ABI2: variants seen among roughly 807,000 people sequenced by gnomAD.
ABI2 encodes the protein abl interactor 2.
ABI2 carries 25 observed loss-of-function variants against 59.2 expected under a neutral mutation model. The observed-to-expected ratio is 0.42, with a 90% CI of 0.31 to 0.59. The LOEUF (loss-of-function observed/expected upper bound fraction) is 0.59, where lower values mean the gene tolerates loss of function less well. Among genes scored for constraint, ABI2 ranks in the 20% least tolerant of loss-of-function variants. The pLI, the probability that ABI2 is intolerant of heterozygous loss-of-function variation, is 0.14. For synonymous variants in ABI2, 213 were observed against 235.5 expected, an observed-to-expected ratio of 0.90 and a Z score of 0.87; for missense variants, 545 against 681.8, an observed-to-expected ratio of 0.80 and a Z score of 2.23.
intron 5 of ABI2, among the ~76,000 whole-genome samples, chr2:203,391,657 C>T (rs369582369): frequency 1.3e-5 from 2 of 151,700 alleles, no homozygotes; most frequent in Admixed American, 6.6e-5. Context: ...CCTGTCTCTA[C>T]GAAAAATACA....
rs978670444 is a variant in ABI2, at chr2:203,405,600, A to G, written c.1192+2866A>G. Among the ~76,000 whole-genome samples, 29 of 152,192 alleles carry G rather than the reference A, an allele frequency of 1.9e-4. 1 individual carries two copies. Among genetic ancestry groups the G allele is most frequent in the African/African-American group, 5.5e-4 (23 of 41,566 alleles). ...CTGTATTACTCCCAGTAGCCCTGCA[A>G]TTGTCCCTATTTTTTTCATATTTAC... On this transcript the variant is annotated intron_variant, in intron 9 of 11. Coordinates refer to ENST00000261018, the MANE Select transcript of ABI2 (RefSeq NM_001375670.1).
chr2:203,353,273 A>ATTAAAATTACAT (rs1344552378), intron 1 of ABI2, among the ~76,000 whole-genome samples: 1 of 152,230 alleles, frequency 6.6e-6, no homozygotes, highest in African/African-American at 2.4e-5. Context: ...TTAAACTTGA[A>ATTAAAATTACAT]TTAAAATTAC....
intron 1 of ABI2, among the ~76,000 whole-genome samples, chr2:203,345,290 C>G (rs1186184946): frequency 6.6e-6 from 1 of 152,168 alleles, no homozygotes; most frequent in African/African-American, 2.4e-5. Flanking sequence ...TGGCTTCACC[C>G]TGAAGTCAAG....
chr2:203,382,069 A>T, intron 3 of ABI2, 120 bp from the exon 4 acceptor site: 1 of 756,208 alleles, frequency 1.3e-6, no homozygotes, highest in Non-Finnish European at 2.1e-6. Flanking sequence ...TTATTTTGTT[A>T]ATGCTGAATG....
intron 4 of ABI2, among the ~76,000 whole-genome samples, chr2:203,384,284 GTTTT>G (rs1559288723): frequency 2.1e-5 from 1 of 48,516 alleles, no homozygotes; most frequent in African/African-American, 9.7e-5. Flanking sequence ...TCTTGTTTTT[GTTTT>G]TGTTTTTTTT....
At chr2:203,333,619 T>G (rs1357266460) in intron 1 of ABI2, among the ~76,000 whole-genome samples, 1 of 152,178 alleles carries the variant, frequency 6.6e-6, no homozygotes, top group African/African-American at 2.4e-5. Flanking sequence ...CCTCAAGAAA[T>G]TAGTCCCTAA....
At chr2:203,333,530 C>CT (rs2074972569) in intron 1 of ABI2, among the ~76,000 whole-genome samples, 1 of 152,102 alleles carries the variant, frequency 6.6e-6, no homozygotes, top group African/African-American at 2.4e-5. Context: ...AGTAAGGAGA[C>CT]TGAGTAGAAT....
At chr2:203,416,447 G>A (rs932470539) in intron 10 of ABI2, among the ~76,000 whole-genome samples, 1 of 151,902 alleles carries the variant, frequency 6.6e-6, no homozygotes, top group Non-Finnish European at 1.5e-5. Flanking sequence ...GGGCGCCCAC[G>A]ACCATGTGCG....
chr2:203,354,095 A>G (rs753772762), intron 1 of ABI2, among the ~76,000 whole-genome samples: 3 of 152,156 alleles, frequency 2.0e-5, no homozygotes, highest in Admixed American at 6.5e-5. Flanking sequence ...CCCAGGTTGG[A>G]GTGCGGTGGC....
intron 1 of ABI2, among the ~76,000 whole-genome samples, chr2:203,338,802 T>G (rs1366933140): frequency 1.3e-5 from 2 of 149,748 alleles, no homozygotes. Context: ...AGTGACTACA[T>G]CAAACTAAAA....
intron 9 of ABI2, among the ~76,000 whole-genome samples, chr2:203,405,258 CAG>C (rs2097374977): frequency 6.6e-6 from 1 of 152,158 alleles, no homozygotes; most frequent in Admixed American, 6.5e-5. Flanking sequence ...GTTGGTTAAT[CAG>C]AGTACTTTTT....
intron 11 of ABI2, 121 bp downstream of exon 11, chr2:203,417,202 AT>A: frequency 1.1e-6 from 1 of 905,618 alleles, no homozygotes; most frequent in Non-Finnish European, 1.6e-6. Flanking sequence ...GTATTTGTGC[AT>A]TTTTACTGAG....
At chr2:203,387,128 A>G (rs766074391) in intron 4 of ABI2, among the ~76,000 whole-genome samples, 3 of 140,400 alleles carry the variant, frequency 2.1e-5, no homozygotes, top group Non-Finnish European at 4.5e-5. Flanking sequence ...AGATTAATAT[A>G]TAAGGTGTAT....
chr2:203,391,410 T>A (rs967245250), intron 5 of ABI2, among the ~76,000 whole-genome samples: 16 of 152,348 alleles, frequency 1.1e-4, no homozygotes, highest in Non-Finnish European at 2.4e-4. Context: ...GCAGTCTAAT[T>A]TTAATTCCTT....
intron 11 of ABI2, among the ~76,000 whole-genome samples, chr2:203,417,407 G>T (rs960834159): frequency 1.3e-5 from 2 of 152,130 alleles, no homozygotes; most frequent in African/African-American, 4.8e-5. Flanking sequence ...CCATGCTTTA[G>T]AACATTAGTT....
chr2:203,388,954 A>G (rs913515020), intron 4 of ABI2, among the ~76,000 whole-genome samples: 6 of 152,128 alleles, frequency 3.9e-5, no homozygotes, highest in African/African-American at 1.4e-4. Flanking sequence ...ATGTAGTTTT[A>G]GTGTTTGGTT....
intron 11 of ABI2, among the ~76,000 whole-genome samples, chr2:203,421,264 G>A (rs2098193226): frequency 6.6e-6 from 1 of 152,130 alleles, no homozygotes; most frequent in Non-Finnish European, 1.5e-5. Flanking sequence ...AGGTAGTGGT[G>A]CTGAAAAGAT....
chr2:203,388,511 C>T (rs1326429827), intron 4 of ABI2, among the ~76,000 whole-genome samples: 2 of 151,960 alleles, frequency 1.3e-5, no homozygotes, highest in Non-Finnish European at 2.9e-5. Context: ...GACGAAACCC[C>T]ATCTCTACTA....
chr2:203,415,219 T>G (rs1233791727), intron 10 of ABI2, among the ~76,000 whole-genome samples: 1 of 152,188 alleles, frequency 6.6e-6, no homozygotes, highest in African/African-American at 2.4e-5. Context: ...TTTTAAAGTT[T>G]ATAAAGTAGA....
Sources: allele counts gnomAD v4.1 joint callset (sites outside exome capture counted in the v4.1 genomes callset), GRCh38; gene constraint gnomAD v4.1.1; transcripts MANE v1.5; gene names NCBI Gene and HGNC (gene_info 2026-07-23, HGNC 2026-07-21).